The following CTNS variants were observed in gnomAD, a reference collection of about 807,000 sequenced individuals.
The protein encoded by CTNS is cystinosin.
Under a neutral mutation model 43.7 loss-of-function variants are expected in CTNS, and 27 were observed. That is an observed-to-expected ratio of 0.62 (90% CI 0.46 to 0.85). CTNS has a LOEUF of 0.85. CTNS is among the 40% of genes least tolerant of loss of function. The pLI is 0.00. For missense variants in CTNS, 457 were observed against 475.4 expected (o/e 0.96, Z 0.36); for synonymous variants, 187 against 190.6 (o/e 0.98, Z 0.16).
At chr17:3,657,812 G>A (rs898264426) in intron 9 of CTNS, 193 bp from the exon 10 acceptor site, 15 of 632,252 alleles carry the variant, frequency 2.4e-5, no homozygotes, top group Admixed American at 7.5e-5. Flanking sequence ...ACCAGCCCAG[G>A]TGTGATGCTT....
intron 3 of CTNS, among the ~76,000 whole-genome samples, chr17:3,640,926 G>A (rs2075670501): frequency 6.6e-6 from 1 of 152,054 alleles, no homozygotes; most frequent in South Asian, 2.1e-4. Flanking sequence ...AAAGAAGAAT[G>A]GCTTATGCCT....
At chr17:3,654,950 C>T (rs778196824) in intron 5 of CTNS, 48 bp from the exon 6 acceptor site, 5 of 1,387,438 alleles carry the variant, frequency 3.6e-6, no homozygotes, top group Non-Finnish European at 5.1e-6. Context: ...CAGCGGGGTC[C>T]TCGGTAACTG....
chr17:3,641,384 A>ATATATATATATATATATATATATATATT (rs1555558526), intron 3 of CTNS, among the ~76,000 whole-genome samples: 1 of 31,204 alleles, frequency 3.2e-5, no homozygotes, highest in Admixed American at 6.3e-4. Flanking sequence ...ATATATATAT[A>ATATATATATATATATATATATATATATT]TTTTTTTTTT....
chr17:3,641,384 A>ATATATATATATATATATATTT (rs1555558526), intron 3 of CTNS, among the ~76,000 whole-genome samples: 1 of 31,204 alleles, frequency 3.2e-5, no homozygotes, highest in Non-Finnish European at 4.5e-5. Flanking sequence ...ATATATATAT[A>ATATATATATATATATATATTT]TTTTTTTTTT....
rs2076281577 is a variant in CTNS, at chr17:3,661,768, C to T, written c.*1399C>T. Among the ~76,000 whole-genome samples, 2 of 152,212 alleles carry T rather than the reference C, an allele frequency of 1.3e-5. No homozygotes were observed. On this transcript the variant is annotated 3_prime_UTR_variant, in exon 12 of 12. Coordinates refer to ENST00000046640, the MANE Select transcript of CTNS (RefSeq NM_004937.3). ...GTGTCTTCACGGTTACCAGGGCACGCCACTCAATCTGGATGTGAGCCGGGG... is the reference window on the plus strand; with the variant it reads ...GTGTCTTCACGGTTACCAGGGCACGTCACTCAATCTGGATGTGAGCCGGGG...
intron 5 of CTNS, among the ~76,000 whole-genome samples, chr17:3,649,586 G>T (rs760315409): frequency 6.6e-6 from 1 of 152,110 alleles, no homozygotes; most frequent in Non-Finnish European, 1.5e-5. Flanking sequence ...TTCAAAGTCA[G>T]CACACTAGCA....
chr17:3,639,206 C>T (rs2075620034), intron 2 of CTNS, among the ~76,000 whole-genome samples: 1 of 152,130 alleles, frequency 6.6e-6, no homozygotes, highest in Admixed American at 6.6e-5. Context: ...TACAGAAATC[C>T]ATGCCGGCCT....
At position 3,661,435 on chromosome 17, in the gene CTNS, A is replaced by T. The variant is rs2076276740; in HGVS notation, c.*1066A>T. On this transcript the variant is annotated 3_prime_UTR_variant, in exon 12 of 12. Coordinates refer to ENST00000046640, the MANE Select transcript of CTNS (RefSeq NM_004937.3). ...TGGCAGGAGGGGTGGGGGTCCCAGG[A>T]CGTGCCTCATACATGACTTGAGCTT... 1 of 152,084 alleles carries T rather than the reference A, an allele frequency of 6.6e-6. No homozygotes were observed. Among genetic ancestry groups the T allele is most frequent in the African/African-American group, 2.5e-5 (1 of 40,814 alleles). The allele number at this position is 152,084 out of a possible 1,614,324, so 9.4% of individuals were successfully genotyped here. A position where few individuals can be genotyped will look rare whatever the true frequency, so the allele number is the denominator to read the frequency against.
chr17:3,658,989 G>C (rs960276546), intron 10 of CTNS, among the ~76,000 whole-genome samples: 1 of 152,180 alleles, frequency 6.6e-6, no homozygotes, highest in South Asian at 2.1e-4. Flanking sequence ...TTCCGAGGAG[G>C]GGAAGGTTTG....
At chr17:3,653,830 C>G (rs991864992) in intron 5 of CTNS, among the ~76,000 whole-genome samples, 1 of 151,542 alleles carries the variant, frequency 6.6e-6, no homozygotes, top group Non-Finnish European at 1.5e-5. Context: ...GAGCTGAGAT[C>G]GCGCCATTGC....
intron 2 of CTNS, 177 bp from the exon 3 acceptor site, chr17:3,640,007 CAAAG>C (rs2075645913): frequency 1.7e-6 from 1 of 584,276 alleles, no homozygotes; most frequent in African/African-American, 1.9e-5. Context: ...CCCTGTATAT[CAAAG>C]AAAGATAAGT....
rs1013658985 is a variant in CTNS, at chr17:3,655,685, C to T, written c.461+333C>T. 7 of 382,782 alleles carry T rather than the reference C, an allele frequency of 1.8e-5. No homozygotes were observed. In the East Asian group the frequency reaches 4.4e-4, roughly 24 times the overall value. The allele number at this position is 382,782 out of a possible 1,614,324, so 23.7% of individuals were successfully genotyped here. On this transcript the variant is annotated intron_variant, in intron 7 of 11. Coordinates refer to ENST00000046640, the MANE Select transcript of CTNS (RefSeq NM_004937.3). ...TCCATCCGACCCTGGAGGATTGCGG[C>T]GTCAAGTCCTGTAGTCTCGGTCTTT...
rs2076258466 is a variant in CTNS at position 3,660,432 on chromosome 17, G to A, written c.*63G>A. 1 of 1,613,800 alleles carries A rather than the reference G, an allele frequency of 6.2e-7. No homozygotes were observed. Among genetic ancestry groups the A allele is most frequent in the Admixed American group, 1.7e-5 (1 of 60,026 alleles). ...GCCCTGCTGGGGAAGGCCTCACCCAGCGAAGGCCGGAGAAGCGGTTGGGCC... is the reference window on the plus strand; with the variant it reads ...GCCCTGCTGGGGAAGGCCTCACCCAACGAAGGCCGGAGAAGCGGTTGGGCC... On this transcript the variant is annotated 3_prime_UTR_variant, in exon 12 of 12. Coordinates refer to ENST00000046640, the MANE Select transcript of CTNS (RefSeq NM_004937.3).
Position 3,656,563 on chromosome 17 carries a change from C to G in CTNS, c.538C>G (p.Leu180Val), listed in dbSNP as rs2150922740. ...GGCCTACAGTGTATTCAACATCGGC[C>G]TCCTCTGGGTGCCCTACATCAAGGT... Reference protein sequence around the residue: ...FVAYSVFNIGLLWVPYIKEQF... With the variant: ...FVAYSVFNIGVLWVPYIKEQF... Residue 180 changes from leucine to valine, a missense_variant, in exon 8 of 12, where the codon CTC (leucine) becomes GTC (valine). Physicochemically the swap from Leu to Val is conservative, Grantham distance 32. Transcript: ENST00000046640. 6.2e-7 allele frequency: 1 copy of G among 1,611,046 alleles called. No homozygotes were observed. The highest frequency in any genetic ancestry group is 1.6e-4 in the Middle Eastern group (1 of 6,062).
chr17:3,649,596 A>G lies in CTNS; in HGVS notation c.225+665A>G, dbSNP rs77201194. On this transcript the variant is annotated intron_variant, in intron 5 of 11. Transcript: ENST00000046640. Reference sequence around the variant, plus strand: ...ACTGATTCAAAGTCAGCACACTAGCAAGATCCCCAAATGGTTTGAGTCCAC... The same window carrying G: ...ACTGATTCAAAGTCAGCACACTAGCGAGATCCCCAAATGGTTTGAGTCCAC... Among the ~76,000 whole-genome samples the G allele has an allele frequency of 5.3e-3, 800 of 152,300 alleles. 4 individuals are homozygous for G. The highest frequency in any genetic ancestry group is 0.018 in the African/African-American group (748 of 41,550).
intron 3 of CTNS, among the ~76,000 whole-genome samples, chr17:3,644,105 G>T (rs1335522004): frequency 6.6e-6 from 1 of 152,104 alleles, no homozygotes; most frequent in African/African-American, 2.4e-5. Context: ...CCCACCTTGG[G>T]CTAAAAATAT....
In CTNS at chr17:3,656,663, A is replaced by C; in HGVS notation, c.562-13A>C. 1 of 1,612,182 alleles carries C rather than the reference A, an allele frequency of 6.2e-7. No individual in the cohort carries two copies. Among genetic ancestry groups the C allele is most frequent in the South Asian group, 1.1e-5 (1 of 90,998 alleles). ...TGCCCCTCACCACCCAGCTTCTCCC[A>C]CCCACCAAACAGGAGCAGTTTCTCC... On this transcript the variant is annotated splice_polypyrimidine_tract_variant and intron_variant, in intron 8 of 11. Coordinates refer to ENST00000046640, the MANE Select transcript of CTNS (RefSeq NM_004937.3).
At chr17:3,655,598 A>T in intron 7 of CTNS, 30 of 403,118 alleles carry the variant, frequency 7.4e-5, no homozygotes, top group East Asian at 2.3e-4. Flanking sequence ...GGGGCTCCTT[A>T]GTTTAGTGGA....
intron 7 of CTNS, 49 bp from the exon 8 acceptor site, chr17:3,656,438 C>G (rs1231682030): frequency 8.2e-7 from 1 of 1,222,010 alleles, no homozygotes; most frequent in Non-Finnish European, 1.1e-6. Flanking sequence ...TCCCTCCACC[C>G]CTGCCAGTCT....
Sources: allele counts gnomAD v4.1 joint callset (sites outside exome capture counted in the v4.1 genomes callset), GRCh38; gene constraint gnomAD v4.1.1; transcripts MANE v1.5; gene names NCBI Gene and HGNC (gene_info 2026-07-23, HGNC 2026-07-21).